The following NMU variants were observed in gnomAD, a reference collection of about 807,000 sequenced individuals.
NMU encodes neuromedin U.
In NMU, 29 loss-of-function variants were observed where a neutral mutation model predicts 35.4. The observed-to-expected ratio is 0.82, with a 90% CI of 0.61 to 1.12. The LOEUF (loss-of-function observed/expected upper bound fraction) is 1.12. Ranked by LOEUF, NMU falls within the 50% of genes most tolerant of loss-of-function variation. The pLI is 0.00. For missense variants in NMU, 199 were observed against 206.2 expected (o/e 0.97, Z 0.21); for synonymous variants, 78 against 81.3 (o/e 0.96, Z 0.22).
intron 9 of NMU, among the ~76,000 whole-genome samples, chr4:55,597,105 T>C (rs916484359): frequency 1.3e-5 from 2 of 152,128 alleles, no homozygotes; most frequent in Non-Finnish European, 2.9e-5. Context: ...TATTTAAGTA[T>C]ACTGATGAAT....
intron 2 of NMU, among the ~76,000 whole-genome samples, chr4:55,628,555 G>C (rs1417664118): frequency 1.3e-5 from 2 of 152,032 alleles, no homozygotes; most frequent in Admixed American, 6.6e-5. Context: ...CTGGAGTGCA[G>C]TGGTGCCATC....
intron 1 of NMU, among the ~76,000 whole-genome samples, chr4:55,631,997 A>G (rs544150775): frequency 1.4e-3 from 208 of 152,356 alleles, no homozygotes; most frequent in Non-Finnish European, 2.2e-3. Flanking sequence ...AAAAAGAAAC[A>G]AAGTAATGTC....
At chr4:55,636,423 C>A, upstream of NMU, 1 of 536,664 alleles carries the variant, frequency 1.9e-6, no homozygotes, top group South Asian at 4.0e-5. The surrounding 1 kb of genome is among the most constrained non-coding windows in gnomAD (Gnocchi z 4.0). Flanking sequence ...CGCCCCGCTG[C>A]CTGCCCGCGC....
intron 7 of NMU, among the ~76,000 whole-genome samples, chr4:55,601,629 AG>A (rs1431844779): frequency 2.0e-5 from 3 of 152,144 alleles, no homozygotes; most frequent in Non-Finnish European, 4.4e-5. Flanking sequence ...AAAAAATAAA[AG>A]TTTAAGTTTT....
At chr4:55,610,977 G>A (rs1431956692) in intron 3 of NMU, among the ~76,000 whole-genome samples, 5 of 152,058 alleles carry the variant, frequency 3.3e-5, no homozygotes, top group Non-Finnish European at 7.3e-5. Flanking sequence ...TATAGAATGA[G>A]GATATAAAGA....
intron 2 of NMU, among the ~76,000 whole-genome samples, chr4:55,619,750 G>A (rs1421647343): frequency 6.9e-6 from 1 of 144,698 alleles, no homozygotes; most frequent in South Asian, 2.5e-4. Context: ...AACCTCTGCA[G>A]ACTTAAGTGT....
intron 7 of NMU, among the ~76,000 whole-genome samples, chr4:55,604,537 T>TA (rs1352539220): frequency 2.0e-5 from 3 of 148,742 alleles, no homozygotes; most frequent in Non-Finnish European, 3.0e-5. Context: ...ACTCTTACTT[T>TA]TTTTTTTTTT....
chr4:55,629,785 G>T (rs920819942), intron 2 of NMU, among the ~76,000 whole-genome samples: 2 of 151,998 alleles, frequency 1.3e-5, no homozygotes, highest in Admixed American at 6.6e-5. Flanking sequence ...TTTGAGACAG[G>T]TGTATTAAAC....
intron 3 of NMU, among the ~76,000 whole-genome samples, chr4:55,611,355 C>A (rs564899827): frequency 2.6e-4 from 39 of 151,878 alleles, no homozygotes; most frequent in African/African-American, 9.2e-4. Flanking sequence ...AGAATGAAAC[C>A]CTGTCTTGAA....
chr4:55,625,273 A>C (rs1397812650), intron 2 of NMU, among the ~76,000 whole-genome samples: 1 of 150,644 alleles, frequency 6.6e-6, no homozygotes, highest in African/African-American at 2.4e-5. Flanking sequence ...AAGAATGTAT[A>C]CTTTTTTTTT....
At chr4:55,632,039 A>T (rs1734774748) in intron 1 of NMU, among the ~76,000 whole-genome samples, 1 of 152,238 alleles carries the variant, frequency 6.6e-6, no homozygotes, top group African/African-American at 2.4e-5. Context: ...GCCAGAGGCC[A>T]TTATTTGAAG....
chr4:55,597,111 T>G (rs941186171), intron 9 of NMU, among the ~76,000 whole-genome samples: 3 of 152,286 alleles, frequency 2.0e-5, no homozygotes, highest in African/African-American at 7.2e-5. Context: ...AGTATACTGA[T>G]GAATACTGTT....
intron 7 of NMU, among the ~76,000 whole-genome samples, chr4:55,603,935 A>ATG (rs1560513407): frequency 3.2e-5 from 3 of 93,526 alleles, no homozygotes; most frequent in East Asian, 5.1e-4. Flanking sequence ...AAATATATAT[A>ATG]TATATATATA....
intron 2 of NMU, among the ~76,000 whole-genome samples, chr4:55,624,025 G>A (rs1324928074): frequency 1.9e-5 from 1 of 54,006 alleles, no homozygotes; most frequent in Non-Finnish European, 3.8e-5. Flanking sequence ...AATTCAAGAT[G>A]GATTAAAGAG....
At chr4:55,625,786 TC>T (rs1438662287) in intron 2 of NMU, among the ~76,000 whole-genome samples, 1 of 151,914 alleles carries the variant, frequency 6.6e-6, no homozygotes, top group African/African-American at 2.4e-5. Context: ...CTCACTTTTT[TC>T]CCACTTAACA....
chr4:55,633,745 G>A (rs563077964), intron 1 of NMU, among the ~76,000 whole-genome samples: 25 of 152,246 alleles, frequency 1.6e-4, no homozygotes, highest in Middle Eastern at 3.4e-3. Context: ...CTTCACTGTC[G>A]GATTGGGAAG....
intron 1 of NMU, among the ~76,000 whole-genome samples, chr4:55,630,669 C>T (rs868255629): frequency 2.6e-5 from 4 of 152,076 alleles, no homozygotes; most frequent in South Asian, 2.1e-4. Flanking sequence ...CTCTCAAGAA[C>T]GAATTACTTA....
intron 4 of NMU, among the ~76,000 whole-genome samples, chr4:55,608,435 T>C (rs1397873699): frequency 6.6e-6 from 1 of 152,146 alleles, no homozygotes; most frequent in Admixed American, 6.5e-5. Context: ...CTTTGAATTA[T>C]TATATATGAA....
intron 3 of NMU, among the ~76,000 whole-genome samples, chr4:55,611,643 C>G (rs1343522752): frequency 6.6e-6 from 1 of 152,148 alleles, no homozygotes; most frequent in Non-Finnish European, 1.5e-5. Flanking sequence ...TATGTATTTA[C>G]TGTACCTTTT....
Sources: gnomAD v4.1 joint callset for allele counts (sites outside exome capture counted in the v4.1 genomes callset) on GRCh38, gnomAD v4.1.1 for gene constraint, Gnocchi (gnomAD v3.1) non-coding constraint, MANE v1.5 for transcripts, NCBI Gene and HGNC (gene_info 2026-07-23, HGNC 2026-07-21) for gene names.